SPAG9: variants seen among roughly 807,000 people sequenced by gnomAD.
The protein encoded by SPAG9 is sperm associated antigen 9, also known as C-Jun-amino-terminal kinase-interacting protein 4.
SPAG9 carries 35 observed loss-of-function variants against 166.5 expected under a neutral mutation model. That is an observed-to-expected ratio of 0.21 (90% CI 0.16 to 0.28). The LOEUF is 0.28. Ranked by LOEUF, SPAG9 falls within the 10% of genes least tolerant of loss-of-function variation. The probability of loss-of-function intolerance (pLI) is 1.00; values close to 1 mark genes in which losing one functional copy is unlikely to be tolerated. For synonymous variants in SPAG9, 534 were observed against 565.5 expected, an observed-to-expected ratio of 0.94 and a Z score of 0.79; for missense variants, 1,235 against 1,603.3, an observed-to-expected ratio of 0.77 and a Z score of 3.92.
At chr17:51,071,125 G>A in intron 2 of SPAG9, among the ~76,000 whole-genome samples, 1 of 151,850 alleles carries the variant, frequency 6.6e-6, no homozygotes, top group East Asian at 1.9e-4. Flanking sequence ...ATACTCTTGT[G>A]TACCACAACC....
chr17:51,040,864 A>G (rs2046811940), intron 5 of SPAG9, among the ~76,000 whole-genome samples: 1 of 152,242 alleles, frequency 6.6e-6, no homozygotes, highest in Non-Finnish European at 1.5e-5. Context: ...TTTATAATCA[A>G]TATGATGAAT....
In SPAG9 at chr17:50,963,256, TTC is replaced by T. The variant is rs1877821488; in HGVS notation, c.*3014_*3015del. On this transcript the variant is annotated 3_prime_UTR_variant, in exon 30 of 30. Transcript: ENST00000262013. The stretch of plus-strand genomic sequence containing the variant: ...GATCAACCCAAAGTACGCAAGCCTC[TTC>T]TCTCCCTTGATGTGGTAGCTACAGG... The T allele has an allele frequency of 6.6e-6, 1 of 152,232 alleles. No individual in the cohort carries two copies. The highest frequency in any genetic ancestry group is 1.5e-5 in the Non-Finnish European group (1 of 68,042). 9.4% of individuals were successfully genotyped at this position (152,232 alleles called of 1,614,324 possible).
chr17:51,062,690 G>A (rs143921363), intron 2 of SPAG9, among the ~76,000 whole-genome samples: 226 of 152,154 alleles, frequency 1.5e-3, no homozygotes, highest in African/African-American at 5.1e-3. Flanking sequence ...TGCCAGGTTC[G>A]AGCAATTCTC....
At chr17:51,097,539 T>C (rs1241173389) in intron 1 of SPAG9, among the ~76,000 whole-genome samples, 2 of 152,046 alleles carry the variant, frequency 1.3e-5, no homozygotes, top group African/African-American at 2.4e-5. Flanking sequence ...TTATGGTATC[T>C]ACATTATATA....
chr17:51,037,685 A>ATATATATATATATATAGTGTGT, intron 5 of SPAG9, among the ~76,000 whole-genome samples: 1 of 83,510 alleles, frequency 1.2e-5, no homozygotes, highest in African/African-American at 3.9e-5. Flanking sequence ...ATATATATAT[A>ATATATATATATATATAGTGTGT]GTGTGTGTGT....
chr17:50,964,536 TGA>T lies in SPAG9; in HGVS notation c.*1734_*1735del. The stretch of plus-strand genomic sequence containing the variant: ...CTGAGAGGTGGAGGTTGCAGTGAGC[TGA>T]GATCGCACCACTGCATTCCAGCCTG... On this transcript the variant is annotated 3_prime_UTR_variant, in exon 30 of 30. Coordinates refer to ENST00000262013, the MANE Select transcript of SPAG9 (RefSeq NM_001130528.3). 3 of 191,108 alleles carry T rather than the reference TGA, an allele frequency of 1.6e-5. No individual in the cohort carries two copies. Among genetic ancestry groups the T allele is most frequent in the Non-Finnish European group, 3.2e-5 (3 of 93,336 alleles). 11.8% of individuals were successfully genotyped at this position (191,108 alleles called of 1,614,324 possible).
chr17:50,998,317 A>C, intron 15 of SPAG9, 127 bp downstream of exon 15: 2 of 832,420 alleles, frequency 2.4e-6, no homozygotes, highest in Non-Finnish European at 3.6e-6. Flanking sequence ...GGTGTGAGCC[A>C]CCGTGCCTGG....
chr17:51,061,750 A>C (rs1372941454), intron 2 of SPAG9, among the ~76,000 whole-genome samples: 1 of 152,074 alleles, frequency 6.6e-6, no homozygotes, highest in African/African-American at 2.4e-5. Flanking sequence ...CATCCATAAA[A>C]ATTCCTTAAA....
intron 28 of SPAG9, 53 bp from the exon 29 acceptor site, chr17:50,970,909 T>G: frequency 6.7e-7 from 1 of 1,486,134 alleles, no homozygotes; most frequent in Admixed American, 2.0e-5. Context: ...AGGGAGGCTG[T>G]TTTGTTTTTT....
intron 2 of SPAG9, among the ~76,000 whole-genome samples, chr17:51,062,220 C>T (rs2047537528): frequency 1.3e-5 from 2 of 152,194 alleles, no homozygotes; most frequent in Admixed American, 1.3e-4. Flanking sequence ...CCCCTACCAT[C>T]AACATCCAGA....
intron 5 of SPAG9, among the ~76,000 whole-genome samples, chr17:51,039,020 G>GC (rs1244227617): frequency 6.6e-6 from 1 of 152,042 alleles, no homozygotes; most frequent in Non-Finnish European, 1.5e-5. Flanking sequence ...AACAAAGAAG[G>GC]CCCATAACTT....
Position 51,120,626 on chromosome 17 carries a change from C to G in SPAG9, c.31G>C (p.Glu11Gln), listed in dbSNP as rs909823779. 3 of 1,610,654 alleles carry G rather than the reference C, an allele frequency of 1.9e-6. No homozygotes were observed. The change falls in exon 1 of 30, where the codon GAG becomes CAG. Residue 11 changes from glutamate (E) to glutamine (Q), a missense_variant. Coordinates refer to ENST00000262013, the MANE Select transcript of SPAG9 (RefSeq NM_001130528.3). This position sits in a 1 kb window ranked among gnomAD's most constrained non-coding sequence, Gnocchi z 4.7. MELEDGVVYQ[E>Q]EPGGSGAVMS... ...ACGGCCCCGGAGCCGCCGGGCTCCT[C>G]CTGATACACCACACCGTCCTCCAGC...
intron 1 of SPAG9, among the ~76,000 whole-genome samples, chr17:51,082,377 CAAAAAAAAAAA>C (rs773287286): frequency 1.0e-4 from 5 of 48,942 alleles, no homozygotes; most frequent in Non-Finnish European, 1.5e-4. Flanking sequence ...AAGACTGTCT[CAAAAAAAAAAA>C]AAAAAAAAAA....
intron 9 of SPAG9, chr17:51,009,253 T>G: frequency 2.4e-6 from 1 of 408,948 alleles, no homozygotes; most frequent in Non-Finnish European, 4.8e-6. Context: ...ACAAAGAAAT[T>G]GACAAGATGT....
At chr17:51,039,685 T>C (rs951778099) in intron 5 of SPAG9, among the ~76,000 whole-genome samples, 1 of 152,154 alleles carries the variant, frequency 6.6e-6, no homozygotes, top group Non-Finnish European at 1.5e-5. Context: ...TTATAAGTTG[T>C]CAATAAAGTT....
intron 21 of SPAG9, among the ~76,000 whole-genome samples, 191 bp from the exon 22 acceptor site, chr17:50,987,428 C>T (rs1305234412): frequency 6.6e-6 from 1 of 151,992 alleles, no homozygotes; most frequent in Non-Finnish European, 1.5e-5. Flanking sequence ...CAGCCTTGAC[C>T]TCTCAGGCTC....
intron 6 of SPAG9, among the ~76,000 whole-genome samples, chr17:51,021,775 G>A (rs887172420): frequency 5.3e-5 from 8 of 151,986 alleles, no homozygotes; most frequent in African/African-American, 1.4e-4. Flanking sequence ...TCTTAACCTC[G>A]GGTATCTTTG....
In SPAG9 at chr17:50,964,161, T is replaced by G. The variant is rs1235170923; in HGVS notation, c.*2111A>C. The G allele has an allele frequency of 6.6e-6, 1 of 151,642 alleles. No homozygotes were observed. Among genetic ancestry groups the G allele is most frequent in the Non-Finnish European group, 1.5e-5 (1 of 68,012 alleles). 9.4% of individuals were successfully genotyped at this position (151,642 alleles called of 1,614,324 possible). On this transcript the variant is annotated 3_prime_UTR_variant, in exon 30 of 30. Transcript: ENST00000262013. ...TGTATAATAGTCCAGAAAAAAAAAA[T>G]CAGTGGTACTTAAGAATGTTTAGAC...
chr17:51,102,526 G>A (rs1196668274), intron 1 of SPAG9, among the ~76,000 whole-genome samples: 1 of 150,974 alleles, frequency 6.6e-6, no homozygotes. Context: ...TTTTGAGGTG[G>A]AGTCTCGCTC....
Sources: gnomAD v4.1 joint callset for allele counts (sites outside exome capture counted in the v4.1 genomes callset) on GRCh38, gnomAD v4.1.1 for gene constraint, Gnocchi (gnomAD v3.1) non-coding constraint, MANE v1.5 for transcripts, NCBI Gene and HGNC (gene_info 2026-07-23, HGNC 2026-07-21) for gene names.